The following TSPAN5 variants were observed in gnomAD, a reference collection of about 807,000 sequenced individuals.
TSPAN5 encodes tetraspanin 5.
Under a neutral mutation model 37.1 loss-of-function variants are expected in TSPAN5, and 10 were observed. That is an observed-to-expected ratio of 0.27 (90% CI 0.17 to 0.46). TSPAN5 has a LOEUF of 0.46. Ranked by LOEUF, TSPAN5 falls within the 20% of genes least tolerant of loss-of-function variation. The pLI is 1.00. For synonymous variants in TSPAN5, 110 were observed against 118.9 expected (o/e 0.93, Z 0.48); for missense variants, 195 against 326.6 (o/e 0.60, Z 3.11).
In TSPAN5 at chr4:98,472,604, A is replaced by T; in HGVS notation, c.742-17T>A. The T allele has an allele frequency of 6.2e-7, 1 of 1,609,072 alleles. No homozygotes were observed. The highest frequency in any genetic ancestry group is 1.1e-5 in the South Asian group (1 of 90,898). ...CCCAAATATCTGAGAAAGGAAGAAA[A>T]TGTGAGTGAAACAGTGACACTTGTA... On this transcript the variant is annotated splice_polypyrimidine_tract_variant and intron_variant, in intron 7 of 7. Transcript: ENST00000305798.
At chr4:98,531,581 G>A (rs1754091523) in intron 1 of TSPAN5, among the ~76,000 whole-genome samples, 1 of 152,188 alleles carries the variant, frequency 6.6e-6, no homozygotes, top group Non-Finnish European at 1.5e-5. Context: ...TATATACCCA[G>A]TAATGGCACT....
In TSPAN5 at chr4:98,581,777, C is replaced by T. The variant is rs139636082; in HGVS notation, c.82-74049G>A. 2.6e-4 allele frequency among the ~76,000 whole-genome samples: 39 copies of T among 152,172 alleles called. 2 individuals carry two copies. In the East Asian group the frequency reaches 5.8e-3, roughly 23 times the overall value. On this transcript the variant is annotated intron_variant, in intron 1 of 7. Transcript: ENST00000305798. Reference sequence around the variant, plus strand: ...ACCAGAAATATTTCAAAGTAACCTGCGCAGCCAGTAATTTGCTTATAGATG... The same window carrying T: ...ACCAGAAATATTTCAAAGTAACCTGTGCAGCCAGTAATTTGCTTATAGATG...
chr4:98,645,346 T>C (rs2110283329), intron 1 of TSPAN5, among the ~76,000 whole-genome samples: 1 of 152,316 alleles, frequency 6.6e-6, no homozygotes, highest in East Asian at 1.9e-4. Flanking sequence ...TTTTTAAATA[T>C]ATGTATTTAA....
intron 1 of TSPAN5, among the ~76,000 whole-genome samples, chr4:98,644,072 T>C (rs1293262783): frequency 6.6e-6 from 1 of 152,212 alleles, no homozygotes; most frequent in Non-Finnish European, 1.5e-5. Flanking sequence ...TCCTCCCTTT[T>C]TAAAAAGTAT....
chr4:98,641,509 G>C (rs900249505), intron 1 of TSPAN5, among the ~76,000 whole-genome samples: 1 of 151,984 alleles, frequency 6.6e-6, no homozygotes. Flanking sequence ...CAAAGCATGA[G>C]AGTAATGCAT....
chr4:98,652,727 AG>A lies in TSPAN5; in HGVS notation c.81+5418del, dbSNP rs574537885. ...TGGAAGACTCTTTGGGGTGCTTACA[AG>A]AAAAACATCATTAGTGAAAAGTTCT... On this transcript the variant is annotated intron_variant, in intron 1 of 7. Transcript: ENST00000305798. Among the ~76,000 whole-genome samples, 455 of 152,364 alleles carry A rather than the reference AG, an allele frequency of 3.0e-3. 4 individuals are homozygous for A. The highest frequency in any genetic ancestry group is 3.5e-3 in the South Asian group (17 of 4,828).
chr4:98,474,552 T>A lies in TSPAN5; in HGVS notation c.741+1637A>T, dbSNP rs148519669. On this transcript the variant is annotated intron_variant, in intron 7 of 7. Coordinates refer to ENST00000305798, the MANE Select transcript of TSPAN5 (RefSeq NM_005723.4). ...TTGTAGAGACAGGGTTTTGTCATGT[T>A]GCCCAGGCTGTTTTGAAACTCCTGA... is the stretch of plus-strand genomic sequence containing the variant. 1.7e-3 allele frequency among the ~76,000 whole-genome samples: 265 copies of A among 152,234 alleles called. 1 individual carries two copies. Among genetic ancestry groups the A allele is most frequent in the African/African-American group, 6.0e-3 (251 of 41,546 alleles).
At chr4:98,622,307 C>A (rs970919453) in intron 1 of TSPAN5, among the ~76,000 whole-genome samples, 2 of 152,114 alleles carry the variant, frequency 1.3e-5, no homozygotes, top group Non-Finnish European at 2.9e-5. Flanking sequence ...GAACTCCTGG[C>A]CTCAAGTGAT....
At chr4:98,601,940 C>T (rs940007397) in intron 1 of TSPAN5, among the ~76,000 whole-genome samples, 7 of 152,222 alleles carry the variant, frequency 4.6e-5, no homozygotes, top group Non-Finnish European at 1.0e-4. Context: ...TCAGGGAATA[C>T]GGAGGCCTGA....
At chr4:98,566,542 C>A (rs1461252007) in intron 1 of TSPAN5, among the ~76,000 whole-genome samples, 7 of 152,142 alleles carry the variant, frequency 4.6e-5, no homozygotes, top group Admixed American at 3.9e-4. Flanking sequence ...GCTGGAGCAG[C>A]CATGGGAAAA....
intron 1 of TSPAN5, among the ~76,000 whole-genome samples, chr4:98,642,718 T>G (rs189063180): frequency 6.6e-6 from 1 of 152,264 alleles, no homozygotes; most frequent in Admixed American, 6.5e-5. Context: ...TATTGTCTAG[T>G]GATGTATTGA....
chr4:98,598,528 G>A (rs1197849930), intron 1 of TSPAN5, among the ~76,000 whole-genome samples: 1 of 151,904 alleles, frequency 6.6e-6, no homozygotes, highest in Non-Finnish European at 1.5e-5. Context: ...GCAGTGGCGC[G>A]GTCTGTGCTC....
At chr4:98,632,721 T>C (rs72688489) in intron 1 of TSPAN5, among the ~76,000 whole-genome samples, 10,083 of 152,212 alleles carry the variant, frequency 0.066, 402 homozygotes, top group Non-Finnish European at 0.075. Context: ...TTATGATGTA[T>C]GCTCTGAAGG....
intron 5 of TSPAN5, 110 bp downstream of exon 5, chr4:98,478,575 C>A: frequency 7.5e-7 from 1 of 1,332,284 alleles, no homozygotes; most frequent in East Asian, 2.3e-5. Flanking sequence ...GCTACAAATA[C>A]GAGTAACCAG....
At chr4:98,644,457 A>T (rs1004473965) in intron 1 of TSPAN5, among the ~76,000 whole-genome samples, 2 of 152,168 alleles carry the variant, frequency 1.3e-5, no homozygotes, top group African/African-American at 4.8e-5. Context: ...AATTTCCTTT[A>T]AAAAAGCAAT....
intron 1 of TSPAN5, among the ~76,000 whole-genome samples, chr4:98,646,706 T>C (rs1008793647): frequency 4.6e-5 from 7 of 152,128 alleles, no homozygotes; most frequent in Non-Finnish European, 1.0e-4. Context: ...CTTTTTTTCC[T>C]TTTAAGTTAT....
intron 1 of TSPAN5, among the ~76,000 whole-genome samples, chr4:98,628,369 T>C (rs544128862): frequency 1.3e-5 from 2 of 152,224 alleles, no homozygotes; most frequent in East Asian, 3.9e-4. Flanking sequence ...CAAGCACAAG[T>C]TTAACATGAC....
intron 1 of TSPAN5, among the ~76,000 whole-genome samples, chr4:98,638,004 G>A (rs541531130): frequency 3.3e-5 from 5 of 152,254 alleles, no homozygotes; most frequent in Non-Finnish European, 5.9e-5. Flanking sequence ...GGCTCTTCCT[G>A]CTCCTTCTTA....
intron 1 of TSPAN5, among the ~76,000 whole-genome samples, chr4:98,650,888 T>G (rs1040111748): frequency 9.9e-5 from 15 of 152,210 alleles, no homozygotes; most frequent in African/African-American, 3.6e-4. Context: ...AAGACTGCAC[T>G]GGCCAAACCT....
Sources: gnomAD v4.1 joint callset for allele counts (sites outside exome capture counted in the v4.1 genomes callset) on GRCh38, gnomAD v4.1.1 for gene constraint, MANE v1.5 for transcripts, NCBI Gene and HGNC (gene_info 2026-07-23, HGNC 2026-07-21) for gene names.